The following RSAD1 variants were observed in gnomAD, a reference collection of about 807,000 sequenced individuals.
RSAD1 encodes the protein radical S-adenosyl methionine domain-containing protein 1, mitochondrial.
In RSAD1, 34 loss-of-function variants were observed where a neutral mutation model predicts 46.2. The observed-to-expected ratio is 0.74, with a 90% confidence interval of 0.56 to 0.98. The LOEUF is 0.98. Ranked by LOEUF, RSAD1 falls within the 50% of genes least tolerant of loss-of-function variation. The probability of loss-of-function intolerance (pLI) is 0.00; values close to 1 mark genes in which losing one functional copy is unlikely to be tolerated. For synonymous variants in RSAD1, 260 were observed against 253.5 expected, an observed-to-expected ratio of 1.03 and a Z score of -0.24; for missense variants, 635 against 592.3, an observed-to-expected ratio of 1.07 and a Z score of -0.75.
In RSAD1 at chr17:50,484,258, A is replaced by C. The variant is rs2033421850; in HGVS notation, c.1108-184A>C. On this transcript the variant is annotated intron_variant, in intron 7 of 8. Transcript: ENST00000258955. ...TGGCTGGAAGCTGGGTTCCAGTCTCAGTGGAATAGGAGTGAAGCTGCCCTC... is the reference window on the plus strand; with the variant it reads ...TGGCTGGAAGCTGGGTTCCAGTCTCCGTGGAATAGGAGTGAAGCTGCCCTC... The C allele has an allele frequency of 2.1e-5, 12 of 575,814 alleles. No homozygotes were observed. The South Asian group carries it at 2.5e-4, about 12-fold the overall frequency. 35.7% of individuals were successfully genotyped at this position (575,814 alleles called of 1,614,324 possible). A position where few individuals can be genotyped will look rare whatever the true frequency, so the allele number is the denominator to read the frequency against.
chr17:50,484,752 G>A lies in RSAD1; in HGVS notation c.1220G>A (p.Arg407Gln), dbSNP rs778284186. The change falls in exon 9 of 9, where the codon CGG becomes CAG. Residue 407 changes from arginine (R) to glutamine (Q), a missense_variant. Transcript: ENST00000258955. ...GLLQLDHRGL[R>Q]CSWEGLAVLD... ...GCCTCTTGGTTTTCCAGGGGTCTTC[G>A]GTGTTCCTGGGAGGGTCTGGCTGTG... 5.5e-5 allele frequency: 89 copies of A among 1,613,398 alleles called. 1 individual carries two copies. The Middle Eastern group carries it at 2.6e-3, about 48-fold the overall frequency.
At position 50,483,467 on chromosome 17, in the gene RSAD1, C is replaced by G. The variant is rs199724111; in HGVS notation, c.1032C>G (p.Val344=). Residue 344 remains valine, a synonymous_variant, in exon 6 of 9, where the codon GTC becomes GTG. Coordinates refer to ENST00000258955, the MANE Select transcript of RSAD1 (RefSeq NM_018346.3). ...MLFGHGTRKR[V]PLGRLELLEE... is the part of the protein sequence containing the mutation. ...TTGGCCATGGCACCCGGAAGCGTGT[C>G]CCCCTGGGCAGGCTGGAGCTGTGAG... The G allele has an allele frequency of 6.2e-7, 1 of 1,613,014 alleles. No individual in the cohort carries two copies. Among genetic ancestry groups the G allele is most frequent in the South Asian group, 1.1e-5 (1 of 90,756 alleles).
chr17:50,484,333 T>G, intron 7 of RSAD1, 109 bp from the exon 8 acceptor site: 4 of 897,502 alleles, frequency 4.5e-6, no homozygotes, highest in Non-Finnish European at 6.9e-6. Context: ...TGTCAGCTGC[T>G]GAGATCTCCA....
intron 5 of RSAD1, 148 bp from the exon 6 acceptor site, chr17:50,483,192 A>AAT: frequency 5.7e-6 from 4 of 702,262 alleles, no homozygotes; most frequent in Non-Finnish European, 7.9e-6. Context: ...AAAAAAAAAA[A>AAT]GAAAGAAAGA....
rs745615169 is a variant in RSAD1, at chr17:50,479,065, T to G, written c.135+46T>G. On this transcript the variant is annotated intron_variant, in intron 1 of 8. Coordinates refer to ENST00000258955, the MANE Select transcript of RSAD1 (RefSeq NM_018346.3). ...AGCCCACGGTGTGTGGCCGCAGCCC[T>G]GGCCGTGACCGTGGCCGTCCAAAAC... is the stretch of plus-strand genomic sequence containing the variant. 9.1e-5 allele frequency: 118 copies of G among 1,298,540 alleles called. 1 individual carries two copies. The South Asian group carries it at 2.7e-3, about 29-fold the overall frequency. The allele number at this position is 1,298,540 out of a possible 1,614,324, so 80.4% of individuals were successfully genotyped here.
intron 3 of RSAD1, among the ~76,000 whole-genome samples, chr17:50,481,289 G>A (rs1461432830): frequency 6.6e-6 from 1 of 152,236 alleles, no homozygotes; most frequent in Non-Finnish European, 1.5e-5. Flanking sequence ...ATGTAATGGT[G>A]TTGTGTCAGT....
Position 50,478,979 on chromosome 17 carries a change from G to C in RSAD1, c.95G>C (p.Ser32Thr). ...RRVENAGGSP[S>T]PEPAGRRAAL... is the part of the protein sequence containing the mutation. ...GTGGAGAACGCAGGAGGGTCCCCGA[G>C]TCCTGAGCCTGCGGGCCGGCGCGCG... Residue 32 changes from serine to threonine, a missense_variant, in exon 1 of 9, where the codon AGT becomes ACT. Transcript: ENST00000258955. 2 of 1,395,892 alleles carry C rather than the reference G, an allele frequency of 1.4e-6. No homozygotes were observed. Among genetic ancestry groups the C allele is most frequent in the Non-Finnish European group, 1.8e-6 (2 of 1,081,104 alleles). 86.5% of individuals were successfully genotyped at this position (1,395,892 alleles called of 1,614,324 possible). A position where few individuals can be genotyped will look rare whatever the true frequency, so the allele number is the denominator to read the frequency against.
In RSAD1 at chr17:50,478,900, G is replaced by C. The variant is rs544501132; in HGVS notation, c.16G>C (p.Ala6Pro). Reference protein sequence around the residue: MALPGARARGWAAAAR... With the variant: MALPGPRARGWAAAAR... ...GCTGGGCGCCATGGCGCTCCCCGGA[G>C]CCCGGGCTCGCGGCTGGGCGGCAGC... The change falls in exon 1 of 9, where the codon GCC (alanine) becomes CCC (proline). Residue 6 changes from alanine to proline, a missense_variant. Physicochemically the swap from Ala to Pro is conservative, Grantham distance 27. Transcript: ENST00000258955. 1.5e-6 allele frequency: 2 copies of C among 1,315,474 alleles called. No homozygotes were observed. The highest frequency in any genetic ancestry group is 3.1e-5 in the African/African-American group (2 of 64,716). 81.5% of individuals were successfully genotyped at this position (1,315,474 alleles called of 1,614,324 possible). A position where few individuals can be genotyped will look rare whatever the true frequency, so the allele number is the denominator to read the frequency against.
chr17:50,478,860 A>G lies in RSAD1; in HGVS notation c.-25A>G, dbSNP rs1043766496. 28 of 1,235,402 alleles carry G rather than the reference A, an allele frequency of 2.3e-5. 1 individual carries two copies. The highest frequency in any genetic ancestry group is 9.7e-5 in the East Asian group (3 of 30,944). 76.5% of individuals were successfully genotyped at this position (1,235,402 alleles called of 1,614,324 possible). A position where few individuals can be genotyped will look rare whatever the true frequency, so the allele number is the denominator to read the frequency against. On this transcript the variant is annotated 5_prime_UTR_variant, in exon 1 of 9. Coordinates refer to ENST00000258955, the MANE Select transcript of RSAD1 (RefSeq NM_018346.3). ...CCTGCGCGCGTCTCCTGCTCGGGTCAGTGCGCCGCGCTGCGCTGGGCGCCA... is the reference window on the plus strand; with the variant it reads ...CCTGCGCGCGTCTCCTGCTCGGGTCGGTGCGCCGCGCTGCGCTGGGCGCCA...
At position 50,483,456 on chromosome 17, in the gene RSAD1, C is replaced by T. The variant is rs201558395; in HGVS notation, c.1021C>T (p.Arg341Trp). 34 of 1,613,050 alleles carry T rather than the reference C, an allele frequency of 2.1e-5. No homozygotes were observed. Among genetic ancestry groups the T allele is most frequent in the Admixed American group, 5.0e-5 (3 of 59,844 alleles). ...KEVMLFGHGT[R>W]KRVPLGRLEL... ...GGTGATGCTGTTTGGCCATGGCACC[C>T]GGAAGCGTGTCCCCCTGGGCAGGCT... Residue 341 changes from arginine to tryptophan, a missense_variant, in exon 6 of 9, where the codon CGG (arginine) becomes TGG (tryptophan). Coordinates refer to ENST00000258955, the MANE Select transcript of RSAD1 (RefSeq NM_018346.3).
rs369635798 is a variant in RSAD1 at position 50,483,495 on chromosome 17, T to C, written c.1052+8T>C. 12 of 1,612,002 alleles carry C rather than the reference T, an allele frequency of 7.4e-6. No homozygotes were observed. In the African/African-American group the frequency reaches 1.6e-4, roughly 22 times the overall value. On this transcript the variant is annotated splice_region_variant and intron_variant, in intron 6 of 8. Transcript: ENST00000258955. ...CCTGGGCAGGCTGGAGCTGTGAGCATCCAAGGGCACAGGGCTCTCCTCCAG... is the reference window on the plus strand; with the variant it reads ...CCTGGGCAGGCTGGAGCTGTGAGCACCCAAGGGCACAGGGCTCTCCTCCAG...
chr17:50,479,555 TG>T (rs996965080), intron 1 of RSAD1, 73 bp from the exon 2 acceptor site: 114 of 1,554,834 alleles, frequency 7.3e-5, no homozygotes, highest in Non-Finnish European at 9.6e-5. Flanking sequence ...GGGGTGGGGT[TG>T]GGGGTGTGTG....
intron 1 of RSAD1, 146 bp from the exon 2 acceptor site, chr17:50,479,483 C>A: frequency 1.0e-6 from 1 of 972,538 alleles, no homozygotes; most frequent in Non-Finnish European, 1.5e-6. Flanking sequence ...GTGCGACCTG[C>A]CTTGGGGAGT....
chr17:50,479,325 A>T (rs988303541), intron 1 of RSAD1: 1 of 490,790 alleles, frequency 2.0e-6, no homozygotes, highest in Non-Finnish European at 3.6e-6. Flanking sequence ...AGCTGGGAAA[A>T]TGGCTCATAG....
chr17:50,484,567 A>G, intron 8 of RSAD1, 22 bp downstream of exon 8: 1 of 1,609,160 alleles, frequency 6.2e-7, no homozygotes, highest in South Asian at 1.1e-5. Context: ...GGTGCCGGGC[A>G]GAGGGGGCTG....
In RSAD1 at chr17:50,479,622, C is replaced by T; in HGVS notation, c.136-7C>T. ...TCTCACCGCGCACGTGCACTCACTG[C>T]CCCCAGTGGCCTTACTGCGAGAAGC... is the stretch of plus-strand genomic sequence containing the variant. On this transcript the variant is annotated splice_polypyrimidine_tract_variant and splice_region_variant and intron_variant, in intron 1 of 8. Coordinates refer to ENST00000258955, the MANE Select transcript of RSAD1 (RefSeq NM_018346.3). The T allele has an allele frequency of 1.2e-6, 2 of 1,613,512 alleles. No homozygotes were observed. The highest frequency in any genetic ancestry group is 1.7e-6 in the Non-Finnish European group (2 of 1,180,012).
rs1274746040 is a variant in RSAD1, at chr17:50,485,362, T to C, written c.*501T>C. ...AGAAGTGAACATTGGAGAAAGCCAG[T>C]AGCAACTGTGAGAAATCAGCAACTT... On this transcript the variant is annotated 3_prime_UTR_variant, in exon 9 of 9. Transcript: ENST00000258955. 6.5e-6 allele frequency: 1 copy of C among 153,036 alleles called. No homozygotes were observed. Among genetic ancestry groups the C allele is most frequent in the Non-Finnish European group, 1.5e-5 (1 of 68,642 alleles). 9.5% of individuals were successfully genotyped at this position (153,036 alleles called of 1,614,324 possible).
rs750643981 is a variant in RSAD1, at chr17:50,482,678, G to A, written c.876G>A (p.Gln292=). The change falls in exon 5 of 9, where the codon CAG becomes CAA. Residue 292 remains glutamine, a synonymous_variant. Transcript: ENST00000258955. ...GTACCCACAATTGGACTTACTGGCA[G>A]TGTGGTCAGTACCTTGGCGTTGGGC... ...ALSTHNWTYW[Q]CGQYLGVGPG... 1 of 1,614,228 alleles carries A rather than the reference G, an allele frequency of 6.2e-7. No individual in the cohort carries two copies. Among genetic ancestry groups the A allele is most frequent in the Admixed American group, 1.7e-5 (1 of 60,032 alleles).
chr17:50,482,599 A>T (rs2033395226), intron 4 of RSAD1, 44 bp from the exon 5 acceptor site: 1 of 1,613,594 alleles, frequency 6.2e-7, no homozygotes, highest in Admixed American at 1.7e-5. Context: ...TCTAAAAATG[A>T]GGCCTGCCCT....
Sources: gnomAD v4.1 joint callset for allele counts (sites outside exome capture counted in the v4.1 genomes callset) on GRCh38, gnomAD v4.1.1 for gene constraint, MANE v1.5 for transcripts, NCBI Gene and HGNC (gene_info 2026-07-23, HGNC 2026-07-21) for gene names.